ZBTB7B: variants seen among roughly 807,000 people sequenced by gnomAD.
ZBTB7B encodes zinc finger and BTB domain-containing protein 7B.
In ZBTB7B, 8 loss-of-function variants were observed where a neutral mutation model predicts 31.0. The observed-to-expected ratio is 0.26, with a 90% CI of 0.15 to 0.47. The LOEUF (loss-of-function observed/expected upper bound fraction) is 0.47. ZBTB7B is among the 20% of genes least tolerant of loss of function. The pLI is 0.99. For missense variants in ZBTB7B, 494 were observed against 742.4 expected (o/e 0.67, Z 3.89); for synonymous variants, 261 against 307.3 (o/e 0.85, Z 1.58).
rs770035246 is a variant in ZBTB7B, at chr1:155,017,178, G to A, written c.*493G>A. The A allele has an allele frequency of 1.2e-4, 18 of 153,832 alleles. No homozygotes were observed. The highest frequency in any genetic ancestry group is 3.8e-4 in the East Asian group (2 of 5,322). The allele number at this position is 153,832 out of a possible 1,614,324, so 9.5% of individuals were successfully genotyped here. On this transcript the variant is annotated 3_prime_UTR_variant, in exon 3 of 3. Coordinates refer to ENST00000535420, the MANE Select transcript of ZBTB7B (RefSeq NM_001256455.2). Reference sequence around the variant, plus strand: ...TCCTGGCAGTGAATTATGCAAAGGGGGCCGGCAAAGGAAGGGTAGGTGGGG... The same window carrying A: ...TCCTGGCAGTGAATTATGCAAAGGGAGCCGGCAAAGGAAGGGTAGGTGGGG...
chr1:155,012,410 G>A (rs1189224595), intron 1 of ZBTB7B, among the ~76,000 whole-genome samples: 1 of 152,092 alleles, frequency 6.6e-6, no homozygotes, highest in Non-Finnish European at 1.5e-5. Context: ...GCCTACTGCT[G>A]CTTAAGTAGC....
chr1:155,016,398 C>G lies in ZBTB7B; in HGVS notation c.1333C>G (p.Leu445Val). The G allele has an allele frequency of 6.2e-7, 1 of 1,614,172 alleles. No individual in the cohort carries two copies. The highest frequency in any genetic ancestry group is 8.5e-7 in the Non-Finnish European group (1 of 1,180,012). The change falls in exon 3 of 3, where the codon CTG becomes GTG. Residue 445 changes from leucine to valine, a missense_variant. This residue lies in a region of ZBTB7B where 61 missense variants were observed against 170.0 expected (regional missense o/e 0.36). Coordinates refer to ENST00000535420, the MANE Select transcript of ZBTB7B (RefSeq NM_001256455.2). This position sits in a 1 kb window ranked among gnomAD's most constrained non-coding sequence, Gnocchi z 4.3. ...CAAGGCTTTCGCCAAGGAGGACCAC[C>G]TGCAGCGCCACCTCAAAGGCCAGAA... ...CHKAFAKEDH[L>V]QRHLKGQNCL...
At chr1:155,012,872 A>G (rs1571522289) in intron 1 of ZBTB7B, among the ~76,000 whole-genome samples, 1 of 145,192 alleles carries the variant, frequency 6.9e-6, no homozygotes, top group Non-Finnish European at 1.5e-5. Flanking sequence ...GGAGTGGCAG[A>G]GGGGACACTG....
Position 155,014,636 on chromosome 1 carries a change from C to T in ZBTB7B, c.-6-19C>T. ...TGTGGGCTGAGCGCTCTTAATCTCC[C>T]CTCTACTTGACTCTGCAGGAGAAGA... On this transcript the variant is annotated intron_variant, in intron 1 of 2. Transcript: ENST00000535420. 2 of 1,598,906 alleles carry T rather than the reference C, an allele frequency of 1.3e-6. No homozygotes were observed. The highest frequency in any genetic ancestry group is 1.7e-6 in the Non-Finnish European group (2 of 1,170,976).
chr1:155,006,188 A>G (rs1176950813), intron 1 of ZBTB7B, among the ~76,000 whole-genome samples: 1 of 152,114 alleles, frequency 6.6e-6, no homozygotes, highest in Non-Finnish European at 1.5e-5. Flanking sequence ...GGACAAAGCT[A>G]CCTTTAACAA....
intron 1 of ZBTB7B, chr1:155,010,130 C>T (rs1658851027): frequency 6.6e-6 from 1 of 152,350 alleles, no homozygotes; most frequent in Non-Finnish European, 1.5e-5. Context: ...AGAGAGTTGC[C>T]CCCATTCCTT....
At chr1:155,014,514 G>T in intron 1 of ZBTB7B, 141 bp from the exon 2 acceptor site, 1 of 719,200 alleles carries the variant, frequency 1.4e-6, no homozygotes, top group Non-Finnish European at 2.3e-6. Flanking sequence ...GAGGGTTCTG[G>T]AAGATGAAAT....
Position 155,016,720 on chromosome 1 carries a change from C to G in ZBTB7B, c.*35C>G. ...AGGGCCAGACTGAAGCAGCACAAGGCCGGGGACACCCATGCCAAGCAGTGG... is the reference window on the plus strand; with the variant it reads ...AGGGCCAGACTGAAGCAGCACAAGGGCGGGGACACCCATGCCAAGCAGTGG... On this transcript the variant is annotated 3_prime_UTR_variant, in exon 3 of 3. Transcript: ENST00000535420. This position sits in a 1 kb window ranked among gnomAD's most constrained non-coding sequence, Gnocchi z 4.3. 8.0e-7 allele frequency: 1 copy of G among 1,243,452 alleles called. No homozygotes were observed. The highest frequency in any genetic ancestry group is 1.1e-6 in the Non-Finnish European group (1 of 901,156). The allele number at this position is 1,243,452 out of a possible 1,614,324, so 77.0% of individuals were successfully genotyped here.
At chr1:155,010,234 G>A (rs1350283885) in intron 1 of ZBTB7B, 2 of 152,812 alleles carry the variant, frequency 1.3e-5, no homozygotes, top group African/African-American at 2.4e-5. Context: ...ATGTAGGGAA[G>A]CATTAAGGTC....
At chr1:155,011,603 C>T (rs1285743288) in intron 1 of ZBTB7B, among the ~76,000 whole-genome samples, 1 of 152,196 alleles carries the variant, frequency 6.6e-6, no homozygotes, top group African/African-American at 2.4e-5. Context: ...CAGTTCTTCC[C>T]CCTACCAGGC....
At chr1:155,006,808 C>A (rs566211129) in intron 1 of ZBTB7B, among the ~76,000 whole-genome samples, 1 of 152,180 alleles carries the variant, frequency 6.6e-6, no homozygotes, top group Non-Finnish European at 1.5e-5. Flanking sequence ...CTCCTTTCCT[C>A]CCCCTTTGCC....
intron 1 of ZBTB7B, among the ~76,000 whole-genome samples, chr1:155,008,070 G>T (rs969552287): frequency 6.6e-6 from 1 of 152,264 alleles, no homozygotes; most frequent in East Asian, 1.9e-4. Context: ...ACCGGCCAGG[G>T]TGGCAGCAGC....
chr1:155,012,197 C>T (rs1283255889), intron 1 of ZBTB7B, among the ~76,000 whole-genome samples: 1 of 152,116 alleles, frequency 6.6e-6, no homozygotes, highest in Admixed American at 6.5e-5. Context: ...CCCCACCACA[C>T]CAAGTTGCCA....
At chr1:155,006,467 T>C (rs1028545426) in intron 1 of ZBTB7B, among the ~76,000 whole-genome samples, 2 of 152,158 alleles carry the variant, frequency 1.3e-5, no homozygotes, top group Admixed American at 1.3e-4. Context: ...CCTTCAGAGC[T>C]TCCCAGTCAG....
At chr1:155,015,938 G>C (rs1571530101) in intron 2 of ZBTB7B, 124 bp downstream of exon 2, 2 of 1,266,094 alleles carry the variant, frequency 1.6e-6, no homozygotes, top group Non-Finnish European at 2.2e-6. Flanking sequence ...TGGGGCATGG[G>C]TGGGTTACTG....
At chr1:155,015,955 G>T in intron 2 of ZBTB7B, 141 bp downstream of exon 2, 1 of 1,148,052 alleles carries the variant, frequency 8.7e-7, no homozygotes, top group Non-Finnish European at 1.2e-6. Context: ...ACTGGAGTGA[G>T]GAGAGCAGAA....
At position 155,015,154 on chromosome 1, in the gene ZBTB7B, C is replaced by A. The variant is rs1372122428; in HGVS notation, c.494C>A (p.Ala165Asp). 1 of 1,613,754 alleles carries A rather than the reference C, an allele frequency of 6.2e-7. No individual in the cohort carries two copies. The highest frequency in any genetic ancestry group is 8.5e-7 in the Non-Finnish European group (1 of 1,180,006). The change falls in exon 2 of 3, where the codon GCC (alanine) becomes GAC (aspartate). Residue 165 changes from alanine (A) to aspartate (D), a missense_variant. Around this residue, in one of 5 missense-constraint regions of ZBTB7B, gnomAD observed 216 missense variants for 229.3 expected, o/e 0.94. Transcript: ENST00000535420. ...GAGCGAGCCCGCCAGTATCTGGAGGCCTTTGCCACAGCCACGGCCTCTGGA... is the reference window on the plus strand; with the variant it reads ...GAGCGAGCCCGCCAGTATCTGGAGGACTTTGCCACAGCCACGGCCTCTGGA... ...DCERARQYLE[A>D]FATATASGVP...
chr1:155,011,168 C>T (rs1470078759), intron 1 of ZBTB7B, among the ~76,000 whole-genome samples: 1 of 152,246 alleles, frequency 6.6e-6, no homozygotes, highest in African/African-American at 2.4e-5. Context: ...GGGGGGTCAG[C>T]TTTACTCAGC....
At chr1:155,010,735 C>A (rs545106118) in intron 1 of ZBTB7B, among the ~76,000 whole-genome samples, 1 of 152,026 alleles carries the variant, frequency 6.6e-6, no homozygotes, top group Non-Finnish European at 1.5e-5. Flanking sequence ...CTGGTCCAGA[C>A]GCAGGCCAAA....
Sources: gnomAD v4.1 joint callset for allele counts (sites outside exome capture counted in the v4.1 genomes callset) on GRCh38, gnomAD v4.1.1 for gene constraint, gnomAD v4.1.1 regional missense constraint, Gnocchi (gnomAD v3.1) non-coding constraint, MANE v1.5 for transcripts, NCBI Gene and HGNC (gene_info 2026-07-23, HGNC 2026-07-21) for gene names.